CRAMP1: variants seen among roughly 807,000 people sequenced by gnomAD.
CRAMP1 encodes the protein cramped chromatin regulator 1, also known as protein cramped-like.
CRAMP1 carries 50 observed loss-of-function variants against 115.4 expected under a neutral mutation model. The observed-to-expected ratio is 0.43, with a 90% CI of 0.35 to 0.55. CRAMP1 has a LOEUF of 0.55. CRAMP1 is among the 20% of genes least tolerant of loss of function. CRAMP1 has a pLI of 0.01. For synonymous variants in CRAMP1, 866 were observed against 745.4 expected, an observed-to-expected ratio of 1.16 and a Z score of -2.64; for missense variants, 1,679 against 1,721.7, an observed-to-expected ratio of 0.98 and a Z score of 0.44.
rs748691370 is a variant in CRAMP1, at chr16:1,666,520, T to G, written c.2956T>G (p.Ser986Ala). Residue 986 changes from serine to alanine, a missense_variant, in exon 16 of 21, where the codon TCA (serine) becomes GCA (alanine). Ser to Ala is a moderately conservative substitution (Grantham distance 99). This residue lies in a region of CRAMP1 where 709 missense variants were observed against 741.9 expected (regional missense o/e 0.96). Coordinates refer to ENST00000397412, the MANE Select transcript of CRAMP1 (RefSeq NM_020825.4). The surrounding 1 kb of genome is among the most constrained non-coding windows in gnomAD (Gnocchi z 5.0). Reference protein sequence around the residue: ...EGLSGISPLSSDEVTGAISGQ... With the variant: ...EGLSGISPLSADEVTGAISGQ... ...CTTGTCTGGCATCTCTCCACTGTCTTCAGACGAGGTGACGGGTGCCATCTC... is the reference window on the plus strand; with the variant it reads ...CTTGTCTGGCATCTCTCCACTGTCTGCAGACGAGGTGACGGGTGCCATCTC... 7 of 1,613,798 alleles carry G rather than the reference T, an allele frequency of 4.3e-6. No homozygotes were observed. The highest frequency in any genetic ancestry group is 5.9e-6 in the Non-Finnish European group (7 of 1,179,872).
In CRAMP1 at chr16:1,676,416, T is replaced by C. The variant is rs917374421; in HGVS notation, c.*2371T>C. 1 of 152,248 alleles carries C rather than the reference T, an allele frequency of 6.6e-6. No individual in the cohort carries two copies. The highest frequency in any genetic ancestry group is 1.5e-5 in the Non-Finnish European group (1 of 68,042). The allele number at this position is 152,248 out of a possible 1,614,324, so 9.4% of individuals were successfully genotyped here. On this transcript the variant is annotated 3_prime_UTR_variant, in exon 21 of 21. Transcript: ENST00000397412. ...CCACATTAAGGGAAAATGGTGTCAT[T>C]TGTTGCAGAAAAACAATGGATACAT...
chr16:1,668,959 C>T, intron 18 of CRAMP1, 42 bp from the exon 19 acceptor site: 3 of 1,599,720 alleles, frequency 1.9e-6, no homozygotes, highest in South Asian at 1.1e-5. Context: ...CTGTTCACCA[C>T]CCCGCAACAA....
chr16:1,632,360 A>T lies in CRAMP1; in HGVS notation c.689A>T (p.Asp230Val). 6.3e-7 allele frequency: 1 copy of T among 1,590,124 alleles called. No individual in the cohort carries two copies. The highest frequency in any genetic ancestry group is 8.6e-7 in the Non-Finnish European group (1 of 1,168,806). The change falls in exon 4 of 21, where the codon GAT (aspartate) becomes GTT (valine). Residue 230 changes from aspartate to valine, a missense_variant. Transcript: ENST00000397412. Reference protein sequence around the residue: ...WHKITKYIDFDHVFSRGLKKS... With the variant: ...WHKITKYIDFVHVFSRGLKKS... Reference sequence around the variant, plus strand: ...AAGATCACCAAGTACATCGACTTTGATCATGGTGAGTGTGCCACGGGCCAG... The same window carrying T: ...AAGATCACCAAGTACATCGACTTTGTTCATGGTGAGTGTGCCACGGGCCAG...
chr16:1,614,337 C>CGGGGCCGGGGCCGGGGCCG lies in CRAMP1; in HGVS notation c.-1-299_-1-298insGCCGGGGCCGGGGCCGGGG, dbSNP rs1476227617. ...CCGGGGCCGGGGCCGGGGCCGGGGC[C>CGGGGCCGGGGCCGGGGCCG]GGGCAGGGTCCGCCGAGCTGTCGCG... On this transcript the variant is annotated intron_variant, in intron 1 of 20. Transcript: ENST00000397412. The surrounding 1 kb of genome is among the most constrained non-coding windows in gnomAD (Gnocchi z 4.4). 6.9e-6 allele frequency among the ~76,000 whole-genome samples: 1 copy of CGGGGCCGGGGCCGGGGCCG among 143,982 alleles called. No individual in the cohort carries two copies. The highest frequency in any genetic ancestry group is 6.9e-5 in the Admixed American group (1 of 14,534). The allele number at this position is 143,982 out of a possible 152,430, so 94.5% of individuals were successfully genotyped here.
chr16:1,664,138 C>T (rs532242877), intron 13 of CRAMP1, among the ~76,000 whole-genome samples: 20 of 152,316 alleles, frequency 1.3e-4, no homozygotes, highest in South Asian at 2.1e-4. Flanking sequence ...CCCCCAGAGG[C>T]GGAAGCGCCT....
intron 20 of CRAMP1, 35 bp from the exon 21 acceptor site, chr16:1,673,846 C>T (rs1182439127): frequency 9.9e-6 from 16 of 1,609,450 alleles, no homozygotes; most frequent in East Asian, 4.5e-5. Context: ...CAGCAGGTCG[C>T]GGTGACTTGT....
chr16:1,627,589 G>A (rs913825282), intron 3 of CRAMP1, among the ~76,000 whole-genome samples: 1 of 152,198 alleles, frequency 6.6e-6, no homozygotes, highest in African/African-American at 2.4e-5. Context: ...TGTGGCCAGG[G>A]TCGCTCCCGC....
intron 14 of CRAMP1, 132 bp from the exon 15 acceptor site, chr16:1,665,941 C>T (rs2036870383): frequency 1.6e-6 from 1 of 643,240 alleles, no homozygotes; most frequent in Admixed American, 2.3e-5. Flanking sequence ...TTGGAATGTT[C>T]AGTGGCTTCC....
intron 11 of CRAMP1, 144 bp from the exon 12 acceptor site, chr16:1,662,346 T>C (rs2036839279): frequency 1.5e-6 from 1 of 657,478 alleles, no homozygotes; most frequent in Non-Finnish European, 2.7e-6. Context: ...TATGTGGGAC[T>C]GAGATAGAGG....
rs1257234848 is a variant in CRAMP1, at chr16:1,656,498, G to A, written c.1741G>A (p.Asp581Asn). 3 of 1,572,016 alleles carry A rather than the reference G, an allele frequency of 1.9e-6. No individual in the cohort carries two copies. The highest frequency in any genetic ancestry group is 2.6e-6 in the Non-Finnish European group (3 of 1,159,520). ...LIVPEQCRCA[D>N]TRPGSEQPPL... Reference sequence around the variant, plus strand: ...TGTCCCCGAGCAGTGCCGCTGTGCGGACACACGGCCTGGGAGCGAGCAGCC... The same window carrying A: ...TGTCCCCGAGCAGTGCCGCTGTGCGAACACACGGCCTGGGAGCGAGCAGCC... Residue 581 changes from aspartate (D) to asparagine (N), a missense_variant, in exon 10 of 21, where the codon GAC (aspartate) becomes AAC (asparagine). Transcript: ENST00000397412. The surrounding 1 kb of genome is among the most constrained non-coding windows in gnomAD (Gnocchi z 5.6).
rs1423294593 is a variant in CRAMP1, at chr16:1,671,826, T to C, written c.3645+1017T>C. On this transcript the variant is annotated intron_variant, in intron 20 of 20. Transcript: ENST00000397412. The surrounding 1 kb of genome is among the most constrained non-coding windows in gnomAD (Gnocchi z 5.0). The stretch of plus-strand genomic sequence containing the variant: ...CGTGACTCTTGAGATGATGAACTCA[T>C]GGGCAGGCTTTGGAGAATTCCAAGC... Among the ~76,000 whole-genome samples, 2 of 152,260 alleles carry C rather than the reference T, an allele frequency of 1.3e-5. No homozygotes were observed. The highest frequency in any genetic ancestry group is 2.9e-5 in the Non-Finnish European group (2 of 68,050).
At chr16:1,667,850 C>G in intron 17 of CRAMP1, 112 bp from the exon 18 acceptor site, 1 of 675,610 alleles carries the variant, frequency 1.5e-6, no homozygotes, top group Non-Finnish European at 2.6e-6. Context: ...GACTGCAGCG[C>G]TCATCACCCT....
rs2036872388 is a variant in CRAMP1, at chr16:1,666,015, T to C, written c.2753-58T>C. 1 of 1,200,220 alleles carries C rather than the reference T, an allele frequency of 8.3e-7. No homozygotes were observed. The highest frequency in any genetic ancestry group is 1.5e-5 in the African/African-American group (1 of 66,386). The allele number at this position is 1,200,220 out of a possible 1,614,324, so 74.3% of individuals were successfully genotyped here. ...AAGGAAGCCCCCTGCGGCCACATCC[T>C]GCTGTGAGGGCATGGCGGGCGGGCT... On this transcript the variant is annotated intron_variant, in intron 14 of 20. Transcript: ENST00000397412. The surrounding 1 kb of genome is among the most constrained non-coding windows in gnomAD (Gnocchi z 5.0).
At chr16:1,668,959 C>G (rs1445240158) in intron 18 of CRAMP1, 42 bp from the exon 19 acceptor site, 13 of 1,599,720 alleles carry the variant, frequency 8.1e-6, no homozygotes, top group Non-Finnish European at 1.1e-5. Context: ...CTGTTCACCA[C>G]CCCGCAACAA....
At chr16:1,625,755 T>C (rs1444602734) in intron 2 of CRAMP1, 1 of 497,378 alleles carries the variant, frequency 2.0e-6, no homozygotes, top group East Asian at 3.6e-5. Flanking sequence ...TTTCTAACTG[T>C]AAAAACATTT....
At chr16:1,620,741 G>A (rs2036459538) in intron 2 of CRAMP1, 2 of 453,578 alleles carry the variant, frequency 4.4e-6, no homozygotes, top group Admixed American at 2.4e-5. Context: ...GGGACTTTGA[G>A]GTTGGTTTCC....
chr16:1,665,508 A>G (rs899212799), intron 14 of CRAMP1, among the ~76,000 whole-genome samples: 8 of 152,194 alleles, frequency 5.3e-5, no homozygotes, highest in African/African-American at 1.4e-4. Flanking sequence ...CAGTCTGTAC[A>G]TTTAGTGGGG....
chr16:1,641,204 A>G lies in CRAMP1; in HGVS notation c.827+17A>G. 6.3e-7 allele frequency: 1 copy of G among 1,583,842 alleles called. No homozygotes were observed. ...TCAGGTTGGGTAAGTCCCAGTTTCC[A>G]TGTGAAACATCACTTCTCTGGGTGT... On this transcript the variant is annotated intron_variant, in intron 6 of 20. Coordinates refer to ENST00000397412, the MANE Select transcript of CRAMP1 (RefSeq NM_020825.4).
intron 7 of CRAMP1, 131 bp downstream of exon 7, chr16:1,652,712 CA>C: frequency 2.5e-6 from 2 of 803,846 alleles, no homozygotes; most frequent in Non-Finnish European, 4.0e-6. Flanking sequence ...CAGGGCTGCA[CA>C]TGGACCACTC....
Sources: allele counts gnomAD v4.1 joint callset (sites outside exome capture counted in the v4.1 genomes callset), GRCh38; gene constraint gnomAD v4.1.1; regional missense constraint gnomAD v4.1.1; non-coding constraint Gnocchi (gnomAD v3.1); transcripts MANE v1.5; gene names NCBI Gene and HGNC (gene_info 2026-07-23, HGNC 2026-07-21).